Variants in INSIG2 observed in about 807,000 individuals in gnomAD.
INSIG2 encodes insulin induced gene 2.
In INSIG2, 10 loss-of-function variants were observed where a neutral mutation model predicts 27.2. The ratio of observed to expected loss-of-function variants is 0.37; its 90% CI spans 0.23 to 0.62. The LOEUF (loss-of-function observed/expected upper bound fraction) is 0.62. Ranked by LOEUF, INSIG2 falls within the 20% of genes least tolerant of loss-of-function variation. INSIG2 has a pLI of 0.65. For missense variants in INSIG2, 178 were observed against 270.2 expected (o/e 0.66, Z 2.39); for synonymous variants, 97 against 95.8 (o/e 1.01, Z -0.07).
chr2:118,108,259 T>G, intron 5 of INSIG2, 22 bp from the exon 6 acceptor site: 1 of 1,560,978 alleles, frequency 6.4e-7, no homozygotes, highest in Non-Finnish European at 8.7e-7. Flanking sequence ...CTGTTAACCT[T>G]TTAACCTTTT....
At chr2:118,092,366 A>G (rs1678275331) in intron 1 of INSIG2, among the ~76,000 whole-genome samples, 1 of 152,214 alleles carries the variant, frequency 6.6e-6, no homozygotes, top group African/African-American at 2.4e-5. Context: ...AGTACTATTA[A>G]AGAAAATTTC....
At chr2:118,097,026 CAG>C (rs1237925527) in intron 2 of INSIG2, among the ~76,000 whole-genome samples, 4 of 152,190 alleles carry the variant, frequency 2.6e-5, no homozygotes, top group Non-Finnish European at 5.9e-5. Flanking sequence ...CATCACCCTC[CAG>C]AGTCTCTCGT....
At position 118,092,814 on chromosome 2, in the gene INSIG2, T is replaced by G. The variant is rs566487617; in HGVS notation, c.-138-3605T>G. On this transcript the variant is annotated intron_variant, in intron 1 of 5. Coordinates refer to ENST00000245787, the MANE Select transcript of INSIG2 (RefSeq NM_016133.4). ...CTATAAAGAATAATGATGATGATGA[T>G]GAGGAGGAGAGTTCTGTAGCTACTG... 4.7e-3 allele frequency among the ~76,000 whole-genome samples: 697 copies of G among 147,298 alleles called. 7 individuals carry two copies. The highest frequency in any genetic ancestry group is 0.026 in the Middle Eastern group (7 of 266).
intron 2 of INSIG2, among the ~76,000 whole-genome samples, chr2:118,099,281 T>C (rs1354499300): frequency 2.0e-5 from 3 of 152,234 alleles, no homozygotes; most frequent in African/African-American, 2.4e-5. Context: ...CTAACATTCA[T>C]AGATAGAGCA....
intron 4 of INSIG2, 86 bp downstream of exon 4, chr2:118,106,989 G>T (rs1558837889): frequency 3.9e-6 from 6 of 1,529,838 alleles, no homozygotes; most frequent in South Asian, 1.1e-5. Context: ...ATGAAATGAG[G>T]TTAGCCAGTT....
intron 2 of INSIG2, among the ~76,000 whole-genome samples, chr2:118,101,036 GTT>G (rs1678532782): frequency 6.6e-6 from 1 of 152,076 alleles, no homozygotes; most frequent in African/African-American, 2.4e-5. Context: ...GCAGGATTGT[GTT>G]TGCATATGAT....
intron 3 of INSIG2, among the ~76,000 whole-genome samples, chr2:118,105,109 T>C (rs11889588): frequency 0.57 from 85,930 of 152,000 alleles, 24,427 homozygotes; most frequent in Non-Finnish European, 0.58. Context: ...GGCACAATCT[T>C]GGCTCACTGC....
intron 1 of INSIG2, among the ~76,000 whole-genome samples, chr2:118,094,534 T>A (rs957554645): frequency 2.0e-5 from 3 of 152,206 alleles, no homozygotes; most frequent in Non-Finnish European, 4.4e-5. Context: ...ATTTAGAGTA[T>A]GTTTTCCCAT....
intron 3 of INSIG2, 24 bp downstream of exon 3, chr2:118,103,345 T>C: frequency 1.3e-6 from 2 of 1,588,076 alleles, no homozygotes; most frequent in Non-Finnish European, 1.7e-6. Flanking sequence ...TGTAATGAAA[T>C]GCATAATAAC....
chr2:118,103,567 A>T (rs2104536241), intron 3 of INSIG2, among the ~76,000 whole-genome samples: 1 of 152,204 alleles, frequency 6.6e-6, no homozygotes, highest in East Asian at 1.9e-4. Context: ...TGAAAACTTT[A>T]CTTGTTTTTC....
At chr2:118,093,297 TGATGAGGAG>T (rs1435824070) in intron 1 of INSIG2, among the ~76,000 whole-genome samples, 1 of 55,558 alleles carries the variant, frequency 1.8e-5, no homozygotes, top group Admixed American at 2.1e-4. Context: ...CAGATGATGA[TGATGAGGAG>T]GAGGAGGAGG....
chr2:118,090,503 C>T (rs1358743440), intron 1 of INSIG2, among the ~76,000 whole-genome samples: 1 of 152,190 alleles, frequency 6.6e-6, no homozygotes, highest in Non-Finnish European at 1.5e-5. Context: ...CATTAATAGG[C>T]AGCCATACAC....
At chr2:118,103,110 CT>C (rs1678587878) in intron 2 of INSIG2, 86 bp from the exon 3 acceptor site, 6 of 886,682 alleles carry the variant, frequency 6.8e-6, no homozygotes, top group African/African-American at 1.8e-5. Context: ...CTTTAAAATG[CT>C]TGTGGTGGTT....
chr2:118,104,370 T>C (rs1401908765), intron 3 of INSIG2, among the ~76,000 whole-genome samples: 1 of 152,184 alleles, frequency 6.6e-6, no homozygotes, highest in African/African-American at 2.4e-5. Flanking sequence ...AAAACACATC[T>C]GCCTTCCTCT....
At chr2:118,103,738 A>C (rs899012820) in intron 3 of INSIG2, among the ~76,000 whole-genome samples, 1 of 151,926 alleles carries the variant, frequency 6.6e-6, no homozygotes, top group African/African-American at 2.4e-5. Context: ...TAACTTAAAG[A>C]AGCTTTTTTT....
At chr2:118,106,605 C>G in intron 3 of INSIG2, 132 bp from the exon 4 acceptor site, 2 of 668,900 alleles carry the variant, frequency 3.0e-6, no homozygotes, top group Non-Finnish European at 5.1e-6. Context: ...ATACATTGTA[C>G]TAAGAGACTG....
At chr2:118,108,159 T>C (rs891436805) in intron 5 of INSIG2, 122 bp from the exon 6 acceptor site, 3 of 608,668 alleles carry the variant, frequency 4.9e-6, no homozygotes, top group Non-Finnish European at 5.8e-6. Context: ...CTTGGATTAT[T>C]TGAGGAATAA....
rs1678593554 is a variant in INSIG2, at chr2:118,103,230, G to C, written c.278G>C (p.Arg93Thr). ...GGGTTATTATACCCCTGCATTGACAGACATCTAGGAGAACCACATAAATTT... is the reference window on the plus strand; with the variant it reads ...GGGTTATTATACCCCTGCATTGACACACATCTAGGAGAACCACATAAATTT... ...VIGLLYPCID[R>T]HLGEPHKFKR... The change falls in exon 3 of 6, where the codon AGA becomes ACA. Residue 93 changes from arginine (R) to threonine (T), a missense_variant. By Grantham distance (71) the Arg-to-Thr change is moderately conservative. Transcript: ENST00000245787. The C allele has an allele frequency of 1.4e-5, 23 of 1,613,712 alleles. No individual in the cohort carries two copies. Among genetic ancestry groups the C allele is most frequent in the Non-Finnish European group, 1.9e-5 (22 of 1,179,846 alleles).
intron 1 of INSIG2, among the ~76,000 whole-genome samples, chr2:118,088,973 T>G (rs1678160864): frequency 6.6e-6 from 1 of 152,072 alleles, no homozygotes; most frequent in African/African-American, 2.4e-5. Flanking sequence ...AGAAGACAGG[T>G]TGTCGTAGTA....
Sources: allele counts gnomAD v4.1 joint callset (sites outside exome capture counted in the v4.1 genomes callset), GRCh38; gene constraint gnomAD v4.1.1; transcripts MANE v1.5; gene names NCBI Gene and HGNC (gene_info 2026-07-23, HGNC 2026-07-21).